Variants in KCNT2 observed in about 807,000 individuals in gnomAD.
KCNT2 encodes potassium sodium-activated channel subfamily T member 2.
In KCNT2, 67 loss-of-function variants were observed where a neutral mutation model predicts 153.8. The ratio of observed to expected loss-of-function variants is 0.44; its 90% CI spans 0.36 to 0.53. The LOEUF (loss-of-function observed/expected upper bound fraction) is 0.53. KCNT2 is among the 20% of genes least tolerant of loss of function. KCNT2 has a pLI of 0.00. For missense variants in KCNT2, 975 were observed against 1,354.8 expected, an observed-to-expected ratio of 0.72 and a Z score of 4.40; for synonymous variants, 500 against 458.8, an observed-to-expected ratio of 1.09 and a Z score of -1.15.
intron 1 of KCNT2, among the ~76,000 whole-genome samples, chr1:196,571,907 A>T (rs1660821589): frequency 6.6e-6 from 1 of 152,110 alleles, no homozygotes; most frequent in South Asian, 2.1e-4. Context: ...ATGTGCTTCC[A>T]TTCTGAAAAT....
intron 25 of KCNT2, among the ~76,000 whole-genome samples, chr1:196,276,755 C>A (rs895607648): frequency 2.0e-5 from 3 of 152,044 alleles, no homozygotes; most frequent in African/African-American, 7.2e-5. Flanking sequence ...ATAAAAAAAT[C>A]TAATTTGAAA....
chr1:196,411,933 T>C (rs1164355539), intron 12 of KCNT2, among the ~76,000 whole-genome samples: 6 of 151,790 alleles, frequency 4.0e-5, no homozygotes, highest in African/African-American at 1.4e-4. Context: ...TATATTGAGA[T>C]GGGAATATAT....
chr1:196,534,468 A>G (rs1449268102), intron 1 of KCNT2, among the ~76,000 whole-genome samples: 2 of 152,164 alleles, frequency 1.3e-5, no homozygotes, highest in Non-Finnish European at 2.9e-5. Context: ...GAGACTAATT[A>G]CTTGAGCTGA....
intron 1 of KCNT2, among the ~76,000 whole-genome samples, chr1:196,529,413 A>G (rs116497629): frequency 0.012 from 1,811 of 152,236 alleles, 20 homozygotes; most frequent in African/African-American, 0.042. Context: ...TGAATCAGAT[A>G]TTGACGGTTG....
intron 22 of KCNT2, among the ~76,000 whole-genome samples, chr1:196,304,534 G>C (rs114159097): frequency 0.038 from 5,850 of 152,096 alleles, 161 homozygotes; most frequent in South Asian, 0.083. Flanking sequence ...CATTTTACAT[G>C]TATAAGACTG....
Position 196,340,427 on chromosome 1 carries a change from T to C in KCNT2, c.1697A>G (p.Gln566Arg), listed in dbSNP as rs1665505700. ...CACATTGCTTTTTCTCTGCTGGTCT[T>C]GGTTTTTAAATGCTGAATTCTCTTC... ...TKEENSAFKN[Q>R]DQQRKSNVSR... Residue 566 changes from glutamine to arginine, a missense_variant, in exon 16 of 28, where the codon CAA becomes CGA. Gln to Arg is a conservative substitution (Grantham distance 43, BLOSUM62 1). Transcript: ENST00000294725. 6.2e-7 allele frequency: 1 copy of C among 1,612,906 alleles called. No individual in the cohort carries two copies. Among genetic ancestry groups the C allele is most frequent in the African/African-American group, 1.3e-5 (1 of 74,862 alleles).
chr1:196,310,653 A>C (rs1186373632), intron 21 of KCNT2, among the ~76,000 whole-genome samples: 1 of 151,828 alleles, frequency 6.6e-6, no homozygotes, highest in East Asian at 1.9e-4. Context: ...AATCTAAGAC[A>C]ATATTCTTTT....
chr1:196,437,301 A>C (rs375136062), intron 8 of KCNT2, among the ~76,000 whole-genome samples: 1 of 130,214 alleles, frequency 7.7e-6, no homozygotes, highest in South Asian at 2.3e-4. Context: ...AATATATATA[A>C]ATATATTTAT....
chr1:196,331,645 G>A (rs1664475017), intron 17 of KCNT2, among the ~76,000 whole-genome samples: 1 of 152,008 alleles, frequency 6.6e-6, no homozygotes, highest in South Asian at 2.1e-4. Flanking sequence ...GTTAGTAGTT[G>A]CAACAGGGGT....
chr1:196,233,958 A>G (rs1046117509), intron 27 of KCNT2, among the ~76,000 whole-genome samples: 1 of 151,388 alleles, frequency 6.6e-6, no homozygotes. Flanking sequence ...AAATACAGTT[A>G]CACAGAAGAA....
intron 8 of KCNT2, among the ~76,000 whole-genome samples, chr1:196,464,642 T>C (rs796183824): frequency 3.1e-4 from 47 of 152,076 alleles, no homozygotes; most frequent in African/African-American, 1.1e-3. Context: ...CTACCTCATT[T>C]TTTGATGTTC....
chr1:196,494,193 A>G (rs1041715271), intron 1 of KCNT2, among the ~76,000 whole-genome samples: 1 of 152,242 alleles, frequency 6.6e-6, no homozygotes, highest in Admixed American at 6.5e-5. Context: ...CATTTTAAAT[A>G]TAGTAACTGT....
At chr1:196,356,704 T>A (rs1667203220) in intron 14 of KCNT2, among the ~76,000 whole-genome samples, 1 of 151,890 alleles carries the variant, frequency 6.6e-6, no homozygotes, top group African/African-American at 2.4e-5. Flanking sequence ...ATAATCATAT[T>A]GCTATTTTTA....
At chr1:196,570,519 G>A (rs1280941822) in intron 1 of KCNT2, among the ~76,000 whole-genome samples, 1 of 151,980 alleles carries the variant, frequency 6.6e-6, no homozygotes, top group Non-Finnish European at 1.5e-5. Flanking sequence ...CAAGTAAACT[G>A]AAAAGCTTGA....
rs555835610 is a variant in KCNT2 at position 196,588,384 on chromosome 1, T to C, written c.95+19831A>G. 1.9e-4 allele frequency among the ~76,000 whole-genome samples: 29 copies of C among 152,152 alleles called. 1 individual carries two copies. In the Middle Eastern group the frequency reaches 0.01, roughly 54 times the overall value. On this transcript the variant is annotated intron_variant, in intron 1 of 27. Transcript: ENST00000294725. ...TAAAATAATGAAAACATGAATATTA[T>C]CTATTTTTATCATTAGCTTCTCCAA... is the stretch of plus-strand genomic sequence containing the variant.
intron 1 of KCNT2, among the ~76,000 whole-genome samples, chr1:196,541,806 G>A (rs765277232): frequency 3.3e-5 from 5 of 151,990 alleles, no homozygotes; most frequent in Non-Finnish European, 5.9e-5. Flanking sequence ...CATGAGATAT[G>A]CCATAAAGTT....
Position 196,244,914 on chromosome 1 carries a change from C to T in KCNT2, c.3212-8844G>A, listed in dbSNP as rs935943407. Among the ~76,000 whole-genome samples the T allele has an allele frequency of 3.3e-5, 5 of 152,146 alleles. No individual in the cohort carries two copies. The South Asian group carries it at 1.0e-3, about 31-fold the overall frequency. ...TGGGCAAGGCCCCATAGTGTGTTGGCTTCAGGTCTGACCCATTGCAGTCCC... is the reference window on the plus strand; with the variant it reads ...TGGGCAAGGCCCCATAGTGTGTTGGTTTCAGGTCTGACCCATTGCAGTCCC... On this transcript the variant is annotated intron_variant, in intron 26 of 27. Transcript: ENST00000294725.
chr1:196,316,071 CAAT>C (rs1380498660), intron 20 of KCNT2, 45 bp from the exon 21 acceptor site: 5 of 1,570,522 alleles, frequency 3.2e-6, no homozygotes, highest in Non-Finnish European at 4.4e-6. Flanking sequence ...AAATAAATCA[CAAT>C]GTTATAATCA....
chr1:196,487,126 C>T (rs1038475549), intron 3 of KCNT2, among the ~76,000 whole-genome samples: 4 of 151,858 alleles, frequency 2.6e-5, no homozygotes, highest in Non-Finnish European at 5.9e-5. Context: ...CCCCCTTCCA[C>T]GGCATAGAGT....
Sources: gnomAD v4.1 joint callset for allele counts (sites outside exome capture counted in the v4.1 genomes callset) on GRCh38, gnomAD v4.1.1 for gene constraint, MANE v1.5 for transcripts, NCBI Gene and HGNC (gene_info 2026-07-23, HGNC 2026-07-21) for gene names.